IL15: variants seen among roughly 807,000 people sequenced by gnomAD.
IL15 encodes the protein interleukin-15.
A neutral mutation model predicts 19.6 loss-of-function variants in IL15; 11 were observed. That is an observed-to-expected ratio of 0.56 (90% confidence interval 0.35 to 0.93). IL15 has a LOEUF of 0.93. IL15 is among the 40% of genes least tolerant of loss of function. IL15 has a pLI of 0.01. For missense variants in IL15, 197 were observed against 186.5 expected (o/e 1.06, Z -0.33); for synonymous variants, 58 against 59.6 (o/e 0.97, Z 0.12).
chr4:141,644,270 C>T (rs962247882), intron 1 of IL15, among the ~76,000 whole-genome samples: 3 of 151,966 alleles, frequency 2.0e-5, no homozygotes, highest in Non-Finnish European at 4.4e-5. Context: ...TCTAAAGGAT[C>T]AACAGCCATA....
rs373687768 is a variant in IL15 at position 141,710,293 on chromosome 4, G to C, written c.-99-9073G>C. On this transcript the variant is annotated intron_variant, in intron 2 of 7. Coordinates refer to ENST00000320650, the MANE Select transcript of IL15 (RefSeq NM_000585.5). ...GGTCTTAGGGGTGGGAGGTGTTCAA[G>C]AGCCAGTGTTAATGGACATTCTCAG... Among the ~76,000 whole-genome samples the C allele has an allele frequency of 1.7e-4, 26 of 152,306 alleles. 1 individual carries two copies. The highest frequency in any genetic ancestry group is 6.0e-4 in the African/African-American group (25 of 41,570).
chr4:141,696,439 G>T (rs1473264351), intron 2 of IL15, among the ~76,000 whole-genome samples: 1 of 152,010 alleles, frequency 6.6e-6, no homozygotes. Context: ...ATGAATTTTA[G>T]AATTTCTTTT....
At chr4:141,718,461 A>AT (rs1729965078) in intron 2 of IL15, 1 of 152,150 alleles carries the variant, frequency 6.6e-6, no homozygotes, top group African/African-American at 2.4e-5. Context: ...CTTTAAATAA[A>AT]CCAATCAATG....
rs558861606 is a variant in IL15, at chr4:141,701,865, A to G, written c.-99-17501A>G. On this transcript the variant is annotated intron_variant, in intron 2 of 7. Coordinates refer to ENST00000320650, the MANE Select transcript of IL15 (RefSeq NM_000585.5). The stretch of plus-strand genomic sequence containing the variant: ...TCAGATCATACGGGCACCTCTTTTC[A>G]TGTGTAGGAATGTTGATGCTCCAAG... Among the ~76,000 whole-genome samples, 11 of 152,258 alleles carry G rather than the reference A, an allele frequency of 7.2e-5. No individual in the cohort carries two copies. The South Asian group carries it at 2.3e-3, about 32-fold the overall frequency.
chr4:141,674,765 GTAT>G lies in IL15; in HGVS notation c.-100+18465_-100+18467del, dbSNP rs557221742. On this transcript the variant is annotated intron_variant, in intron 2 of 7. Transcript: ENST00000320650. ...GCCTCCTAAAAATTGTTGATTATTT[GTAT>G]TATTATCTCTGTTTTTCAGCAGCTC... 3.2e-3 allele frequency among the ~76,000 whole-genome samples: 484 copies of G among 152,162 alleles called. 3 individuals carry two copies. Among genetic ancestry groups the G allele is most frequent in the African/African-American group, 0.011 (465 of 41,516 alleles).
chr4:141,678,798 C>A (rs1728441923), intron 2 of IL15, among the ~76,000 whole-genome samples: 1 of 152,122 alleles, frequency 6.6e-6, no homozygotes, highest in Non-Finnish European at 1.5e-5. Context: ...GACAGGGTTT[C>A]TCCGTGTTGG....
At chr4:141,693,252 G>A (rs112282560) in intron 2 of IL15, among the ~76,000 whole-genome samples, 44 of 152,030 alleles carry the variant, frequency 2.9e-4, no homozygotes, top group Admixed American at 5.9e-4. Flanking sequence ...TCACTATCCC[G>A]AGAACAGCAT....
intron 2 of IL15, among the ~76,000 whole-genome samples, chr4:141,685,285 G>T (rs557889388): frequency 2.0e-5 from 3 of 152,232 alleles, no homozygotes; most frequent in South Asian, 2.1e-4. Context: ...TGAGGAGAGG[G>T]TGCATAGTTT....
intron 2 of IL15, among the ~76,000 whole-genome samples, chr4:141,702,403 C>A (rs906722545): frequency 2.0e-5 from 3 of 152,178 alleles, no homozygotes; most frequent in Non-Finnish European, 2.9e-5. Flanking sequence ...AGTGATGTGA[C>A]CTTTTTTCAA....
intron 1 of IL15, among the ~76,000 whole-genome samples, chr4:141,642,668 A>G (rs1349105617): frequency 1.3e-5 from 2 of 152,198 alleles, no homozygotes; most frequent in African/African-American, 4.8e-5. Context: ...CTCAGTGTCC[A>G]GACACACTTG....
intron 5 of IL15, 88 bp downstream of exon 5, chr4:141,722,096 C>A: frequency 7.3e-7 from 1 of 1,371,168 alleles, no homozygotes; most frequent in Non-Finnish European, 9.6e-7. Context: ...TTAAGGAAAC[C>A]ACACTTGAAA....
intron 2 of IL15, among the ~76,000 whole-genome samples, chr4:141,702,404 CT>C (rs796703163): frequency 5.5e-4 from 83 of 152,282 alleles, no homozygotes; most frequent in African/African-American, 2.0e-3. Context: ...GTGATGTGAC[CT>C]TTTTTCAAGT....
At chr4:141,699,864 T>A (rs2152181178) in intron 2 of IL15, among the ~76,000 whole-genome samples, 1 of 152,306 alleles carries the variant, frequency 6.6e-6, no homozygotes, top group South Asian at 2.1e-4. Context: ...ATCATGTTAG[T>A]TGTTTCCTAG....
intron 1 of IL15, among the ~76,000 whole-genome samples, chr4:141,645,583 T>C (rs909132411): frequency 6.6e-6 from 1 of 152,170 alleles, no homozygotes; most frequent in African/African-American, 2.4e-5. Flanking sequence ...TTCCCACCAC[T>C]CAGTCTCATA....
chr4:141,663,187 A>G (rs1293758360), intron 2 of IL15, among the ~76,000 whole-genome samples: 2 of 152,206 alleles, frequency 1.3e-5, no homozygotes, highest in Non-Finnish European at 2.9e-5. Flanking sequence ...TATTTGACAA[A>G]ATTCAACAGC....
intron 2 of IL15, among the ~76,000 whole-genome samples, chr4:141,685,751 G>A (rs1276209477): frequency 1.3e-5 from 2 of 152,138 alleles, no homozygotes; most frequent in South Asian, 2.1e-4. Context: ...GCTTCCTAAT[G>A]TTCCATGAAT....
At chr4:141,697,330 C>T (rs756580100) in intron 2 of IL15, among the ~76,000 whole-genome samples, 1 of 151,964 alleles carries the variant, frequency 6.6e-6, no homozygotes, top group Non-Finnish European at 1.5e-5. Flanking sequence ...AACTATTTGG[C>T]TTTATTTCTG....
At chr4:141,664,591 G>A (rs1727907063) in intron 2 of IL15, among the ~76,000 whole-genome samples, 1 of 152,090 alleles carries the variant, frequency 6.6e-6, no homozygotes, top group African/African-American at 2.4e-5. Flanking sequence ...ATTGCAAATA[G>A]CATTTCAGCT....
At chr4:141,701,991 T>G (rs1394339961) in intron 2 of IL15, among the ~76,000 whole-genome samples, 1 of 152,216 alleles carries the variant, frequency 6.6e-6, no homozygotes, top group African/African-American at 2.4e-5. Flanking sequence ...GAAGGCTGTC[T>G]ATAGACGCAT....
Sources: allele counts gnomAD v4.1 joint callset (sites outside exome capture counted in the v4.1 genomes callset), GRCh38; gene constraint gnomAD v4.1.1; transcripts MANE v1.5; gene names NCBI Gene and HGNC (gene_info 2026-07-23, HGNC 2026-07-21).